The following ZNF354A variants were observed in gnomAD, a reference collection of about 807,000 sequenced individuals.
ZNF354A encodes epididymis luminal protein 104.
A neutral mutation model predicts 53.3 loss-of-function variants in ZNF354A; 25 were observed. The observed-to-expected ratio is 0.47, with a 90% CI of 0.34 to 0.66. The LOEUF (loss-of-function observed/expected upper bound fraction) is 0.66, where lower values mean the gene tolerates loss of function less well. Ranked by LOEUF, ZNF354A falls within the 30% of genes least tolerant of loss-of-function variation. The pLI is 0.01. For synonymous variants in ZNF354A, 228 were observed against 249.0 expected (o/e 0.92, Z 0.79); for missense variants, 586 against 716.8 (o/e 0.82, Z 2.08).
chr5:178,711,859 T>TA lies in ZNF354A; in HGVS notation c.*200_*201insT. 1.8e-6 allele frequency: 1 copy of TA among 541,602 alleles called. No homozygotes were observed. Among genetic ancestry groups the TA allele is most frequent in the South Asian group, 4.4e-5 (1 of 22,810 alleles). The allele number at this position is 541,602 out of a possible 1,614,324, so 33.5% of individuals were successfully genotyped here. A position where few individuals can be genotyped will look rare whatever the true frequency, so the allele number is the denominator to read the frequency against. On this transcript the variant is annotated 3_prime_UTR_variant, in exon 5 of 5. Coordinates refer to ENST00000335815, the MANE Select transcript of ZNF354A (RefSeq NM_005649.3). ...TCAATTGTAAATTCTTCATCTCAGG[T>TA]TATTTTTTTAAGTGTCTGACAGGCA...
At chr5:178,721,220 T>C (rs762920059) in intron 4 of ZNF354A, among the ~76,000 whole-genome samples, 1 of 152,150 alleles carries the variant, frequency 6.6e-6, no homozygotes, top group Non-Finnish European at 1.5e-5. Context: ...GAGATACGCG[T>C]TGTTGGCGAT....
chr5:178,730,602 C>G lies in ZNF354A; in HGVS notation c.-98G>C, dbSNP rs938230780. ...GGGCCGCGCCTCCCCAGCCGCGAGG[C>G]TCCGGAACCGCCGGCCGGGATGCAG... On this transcript the variant is annotated 5_prime_UTR_variant, in exon 1 of 5. Transcript: ENST00000335815. 3.3e-5 allele frequency: 5 copies of G among 151,930 alleles called. No individual in the cohort carries two copies. Among genetic ancestry groups the G allele is most frequent in the Non-Finnish European group, 7.4e-5 (5 of 67,958 alleles). The allele number at this position is 151,930 out of a possible 1,614,324, so 9.4% of individuals were successfully genotyped here.
chr5:178,722,937 C>T lies in ZNF354A; in HGVS notation c.256+2439G>A, dbSNP rs147883060. Among the ~76,000 whole-genome samples, 541 of 152,304 alleles carry T rather than the reference C, an allele frequency of 3.6e-3. 3 individuals are homozygous for T. Among genetic ancestry groups the T allele is most frequent in the African/African-American group, 0.012 (504 of 41,568 alleles). ...AGGAAGTGAGCGAGCCACATGGACGCATGACCGCCACGAAGAACAGTCCCA... is the reference window on the plus strand; with the variant it reads ...AGGAAGTGAGCGAGCCACATGGACGTATGACCGCCACGAAGAACAGTCCCA... On this transcript the variant is annotated intron_variant, in intron 4 of 4. Coordinates refer to ENST00000335815, the MANE Select transcript of ZNF354A (RefSeq NM_005649.3).
In ZNF354A at chr5:178,713,523, C is replaced by T; in HGVS notation, c.355G>A (p.Asp119Asn). Residue 119 changes from aspartate to asparagine, a missense_variant, in exon 5 of 5, where the codon GAT becomes AAT. Transcript: ENST00000335815. ...ATGTAAGGCTTTTCTAATTTCAAAT[C>T]CCAAGGTACATTCCTGTTGGATCTT... The part of the protein sequence containing the change: ...LKRSNRNVPW[D>N]LKLEKPYIYE... 6.2e-7 allele frequency: 1 copy of T among 1,613,296 alleles called. No homozygotes were observed. The highest frequency in any genetic ancestry group is 8.5e-7 in the Non-Finnish European group (1 of 1,179,918).
chr5:178,725,599 C>A, intron 3 of ZNF354A, 128 bp from the exon 4 acceptor site: 1 of 933,030 alleles, frequency 1.1e-6, no homozygotes, highest in Non-Finnish European at 1.6e-6. Flanking sequence ...TTCAGTTGTG[C>A]CCCTGGGAGG....
At position 178,712,954 on chromosome 5, in the gene ZNF354A, G is replaced by A. The variant is rs373220049; in HGVS notation, c.924C>T (p.Ser308=). 6.8e-6 allele frequency: 11 copies of A among 1,613,934 alleles called. No individual in the cohort carries two copies. Among genetic ancestry groups the A allele is most frequent in the South Asian group, 1.1e-5 (1 of 91,084 alleles). ...YRCKECGKSF[S]RRSGLFIHQK... is the part of the protein sequence containing the mutation. The stretch of plus-strand genomic sequence containing the variant: ...GATGTATAAAAAGGCCTGACCTTCG[G>A]CTGAAGGATTTACCACATTCTTTAC... Residue 308 remains serine, a synonymous_variant, in exon 5 of 5, where the codon AGC becomes AGT. Transcript: ENST00000335815.
At position 178,724,127 on chromosome 5, in the gene ZNF354A, G is replaced by A. The variant is rs527595532; in HGVS notation, c.256+1249C>T. Reference sequence around the variant, plus strand: ...GCTCCTGTACCCTGATCACGTGGGCGCCGCCTCCTCCCTCACGAACTCACG... The same window carrying A: ...GCTCCTGTACCCTGATCACGTGGGCACCGCCTCCTCCCTCACGAACTCACG... On this transcript the variant is annotated intron_variant, in intron 4 of 4. Coordinates refer to ENST00000335815, the MANE Select transcript of ZNF354A (RefSeq NM_005649.3). Among the ~76,000 whole-genome samples, 6 of 151,896 alleles carry A rather than the reference G, an allele frequency of 4.0e-5. No individual in the cohort carries two copies. In the East Asian group the frequency reaches 9.8e-4, roughly 25 times the overall value.
intron 4 of ZNF354A, among the ~76,000 whole-genome samples, chr5:178,715,041 A>G (rs1179818518): frequency 6.6e-6 from 1 of 152,262 alleles, no homozygotes; most frequent in African/African-American, 2.4e-5. Context: ...TAAGACAGGC[A>G]TGGATATATA....
At chr5:178,718,808 C>A (rs2113873717) in intron 4 of ZNF354A, among the ~76,000 whole-genome samples, 2 of 152,220 alleles carry the variant, frequency 1.3e-5, no homozygotes, top group East Asian at 3.9e-4. Flanking sequence ...TCATAGCTCA[C>A]TGCAGCCTCA....
chr5:178,723,092 G>C (rs1177454839), intron 4 of ZNF354A, among the ~76,000 whole-genome samples: 1 of 152,214 alleles, frequency 6.6e-6, no homozygotes, highest in Non-Finnish European at 1.5e-5. Context: ...AGAGTGAAGA[G>C]GTAGCCAGGG....
chr5:178,725,579 T>C lies in ZNF354A; in HGVS notation c.161-108A>G, dbSNP rs144706734. ...CTCACAGGATGGTACAAAGAGCTTC[T>C]GTGTAGGGCTTCAGTTGTGCCCCTG... is the stretch of plus-strand genomic sequence containing the variant. On this transcript the variant is annotated intron_variant, in intron 3 of 4. Transcript: ENST00000335815. 167 of 1,154,398 alleles carry C rather than the reference T, an allele frequency of 1.4e-4. 1 individual carries two copies. The Middle Eastern group carries it at 3.5e-3, about 24-fold the overall frequency. The allele number at this position is 1,154,398 out of a possible 1,614,324, so 71.5% of individuals were successfully genotyped here. A position where few individuals can be genotyped will look rare whatever the true frequency, so the allele number is the denominator to read the frequency against.
At chr5:178,725,194 A>G (rs34981407) in intron 4 of ZNF354A, among the ~76,000 whole-genome samples, 182 bp downstream of exon 4, 1 of 152,126 alleles carries the variant, frequency 6.6e-6, no homozygotes, top group African/African-American at 2.4e-5. Context: ...GGAAAGAGTA[A>G]GAAAGAGATT....
chr5:178,712,778 G>T lies in ZNF354A; in HGVS notation c.1100C>A (p.Ser367Ter), dbSNP rs1220016391. 2.5e-6 allele frequency: 4 copies of T among 1,613,972 alleles called. No homozygotes were observed. Among genetic ancestry groups the T allele is most frequent in the Non-Finnish European group, 3.4e-6 (4 of 1,180,008 alleles). ...NECGNTFKSS[S>*]SLRYHQRIHT... ...AATTCTCTGATGATAACGAAGGGAT[G>T]AGCTAGACTTAAAGGTGTTGCCACA... is the stretch of plus-strand genomic sequence containing the variant. The change falls in exon 5 of 5, where the codon TCA becomes TAA. Residue 367 changes from serine (S) to a stop codon, truncating the protein, a stop_gained. Coordinates refer to ENST00000335815, the MANE Select transcript of ZNF354A (RefSeq NM_005649.3). LOFTEE classifies it high-confidence loss of function.
chr5:178,726,504 G>A (rs956722925), intron 3 of ZNF354A, among the ~76,000 whole-genome samples: 1 of 151,672 alleles, frequency 6.6e-6, no homozygotes, highest in Admixed American at 6.6e-5. Flanking sequence ...CTTTCACCAC[G>A]TTAGCCAGAA....
At chr5:178,717,940 G>GCCCAGC (rs1171207429) in intron 4 of ZNF354A, among the ~76,000 whole-genome samples, 3 of 152,152 alleles carry the variant, frequency 2.0e-5, no homozygotes, top group Non-Finnish European at 2.9e-5. Flanking sequence ...AAGGAAGAAA[G>GCCCAGC]CCCAGCTGGA....
At position 178,713,161 on chromosome 5, in the gene ZNF354A, C is replaced by A. The variant is rs1385502679; in HGVS notation, c.717G>T (p.Glu239Asp). ...LRKHEKNHSGEKLFKCKECSK... is the reference protein window; with the variant it reads ...LRKHEKNHSGDKLFKCKECSK... ...AACATTCTTTACACTTAAATAGTTT[C>A]TCTCCACTATGGTTTTTCTCATGTT... is the stretch of plus-strand genomic sequence containing the variant. The change falls in exon 5 of 5, where the codon GAG (glutamate) becomes GAT (aspartate). Residue 239 changes from glutamate to aspartate, a missense_variant. Physicochemically the swap from Glu to Asp is conservative, Grantham distance 45 (BLOSUM62 2). Transcript: ENST00000335815. 1.2e-6 allele frequency: 2 copies of A among 1,614,130 alleles called. No homozygotes were observed. The highest frequency in any genetic ancestry group is 1.7e-6 in the Non-Finnish European group (2 of 1,180,020).
At chr5:178,723,534 T>C (rs1424628914) in intron 4 of ZNF354A, among the ~76,000 whole-genome samples, 2 of 152,192 alleles carry the variant, frequency 1.3e-5, no homozygotes, top group African/African-American at 4.8e-5. Flanking sequence ...GAGCAATTCT[T>C]CAGTCCTTTG....
At chr5:178,723,782 C>T (rs893047428) in intron 4 of ZNF354A, among the ~76,000 whole-genome samples, 1 of 151,988 alleles carries the variant, frequency 6.6e-6, no homozygotes, top group African/African-American at 2.4e-5. Context: ...CCTTGATCCC[C>T]CAGAGCCAGA....
At chr5:178,729,952 CT>C (rs1445157232) in intron 1 of ZNF354A, among the ~76,000 whole-genome samples, 1 of 151,574 alleles carries the variant, frequency 6.6e-6, no homozygotes, top group Non-Finnish European at 1.5e-5. Flanking sequence ...CAAGCTCCGC[CT>C]CCTGGGTTCA....
Sources: allele counts gnomAD v4.1 joint callset (sites outside exome capture counted in the v4.1 genomes callset), GRCh38; gene constraint gnomAD v4.1.1; transcripts MANE v1.5; gene names NCBI Gene and HGNC (gene_info 2026-07-23, HGNC 2026-07-21).